Variants in SHKBP1 observed in about 807,000 individuals in gnomAD.
The protein encoded by SHKBP1 is SH3KBP1 binding protein 1.
In SHKBP1, 71 loss-of-function variants were observed where a neutral mutation model predicts 83.9. That is an observed-to-expected ratio of 0.85 (90% CI 0.70 to 1.03). The LOEUF (loss-of-function observed/expected upper bound fraction) is 1.03, where lower values mean the gene tolerates loss of function less well. SHKBP1 is among the 50% of genes least tolerant of loss of function. SHKBP1 has a pLI of 0.00. For missense variants in SHKBP1, 824 were observed against 982.4 expected (o/e 0.84, Z 2.16); for synonymous variants, 371 against 398.0 (o/e 0.93, Z 0.81).
rs2081345434 is a variant in SHKBP1 at position 40,590,146 on chromosome 19, G to A, written c.1590-98G>A. 1.5e-6 allele frequency: 2 copies of A among 1,316,390 alleles called. No homozygotes were observed. The highest frequency in any genetic ancestry group is 1.5e-5 in the African/African-American group (1 of 67,376). 81.5% of individuals were successfully genotyped at this position (1,316,390 alleles called of 1,614,324 possible). A position where few individuals can be genotyped will look rare whatever the true frequency, so the allele number is the denominator to read the frequency against. ...CTAGGGATGGATAAAGATTGGGATG[G>A]CCCCTGGAGAGGCAGGAACTGCAGC... On this transcript the variant is annotated intron_variant, in intron 15 of 17. Transcript: ENST00000291842. This position sits in a 1 kb window ranked among gnomAD's most constrained non-coding sequence, Gnocchi z 4.6.
In SHKBP1 at chr19:40,583,501, T is replaced by C. The variant is rs1445795319; in HGVS notation, c.1048+16T>C. The C allele has an allele frequency of 1.9e-6, 3 of 1,612,694 alleles. No individual in the cohort carries two copies. Among genetic ancestry groups the C allele is most frequent in the Non-Finnish European group, 2.5e-6 (3 of 1,179,392 alleles). On this transcript the variant is annotated intron_variant, in intron 11 of 17. Coordinates refer to ENST00000291842, the MANE Select transcript of SHKBP1 (RefSeq NM_138392.4). ...TACTACGTGGGTGAGCAGCAGCCTG[T>C]GTCCCGGGTGCCCGAGACCCTCCCC...
rs925988739 is a variant in SHKBP1 at position 40,577,143 on chromosome 19, G to C, written c.87-88G>C. The C allele has an allele frequency of 4.6e-6, 7 of 1,532,924 alleles. No homozygotes were observed. The African/African-American group carries it at 9.6e-5, about 21-fold the overall frequency. The allele number at this position is 1,532,924 out of a possible 1,614,324, so 95.0% of individuals were successfully genotyped here. On this transcript the variant is annotated intron_variant, in intron 1 of 17. Coordinates refer to ENST00000291842, the MANE Select transcript of SHKBP1 (RefSeq NM_138392.4). ...GGAAAAACGCCGGGGGAGGGGGAAG[G>C]GGAGGGAACCCTGGATCCTGCGGGA...
Position 40,582,397 on chromosome 19 carries a change from G to A in SHKBP1, c.891G>A (p.Gly297=). The change falls in exon 10 of 18, where the codon GGG becomes GGA. Residue 297 remains glycine (G), a synonymous_variant. Transcript: ENST00000291842. ...CTGTGGAGGCCTTGTTCTTCGTCGGGAACCAGCTCATTGCTACAAGCCACA... is the reference window on the plus strand; with the variant it reads ...CTGTGGAGGCCTTGTTCTTCGTCGGAAACCAGCTCATTGCTACAAGCCACA... ...GVPVEALFFV[G]NQLIATSHTG... is the part of the protein sequence containing the mutation. 6.2e-7 allele frequency: 1 copy of A among 1,614,108 alleles called. No homozygotes were observed. Among genetic ancestry groups the A allele is most frequent in the African/African-American group, 1.3e-5 (1 of 75,014 alleles).
intron 5 of SHKBP1, 77 bp downstream of exon 5, chr19:40,578,289 T>G (rs1190120091): frequency 6.6e-7 from 1 of 1,523,622 alleles, no homozygotes; most frequent in Non-Finnish European, 9.1e-7. Context: ...CTCTTCCCCT[T>G]CTCTCCTGAA....
chr19:40,580,902 G>A lies in SHKBP1; in HGVS notation c.810G>A (p.Trp270Ter). Residue 270 changes from tryptophan to a stop codon, truncating the protein, a stop_gained, in exon 9 of 18, where the codon TGG (tryptophan) becomes TGA (stop). Coordinates refer to ENST00000291842, the MANE Select transcript of SHKBP1 (RefSeq NM_138392.4). LOFTEE classifies it high-confidence loss of function. Reference sequence around the variant, plus strand: ...CCACCGGCAGCGAGATCCTGCTATGGGCTCTGCAGGCGGAAGGCGGTGGCT... The same window carrying A: ...CCACCGGCAGCGAGATCCTGCTATGAGCTCTGCAGGCGGAAGGCGGTGGCT... Reference protein sequence around the residue: ...AAATGSEILLWALQAEGGGSE... With the variant: ...AAATGSEILL 1.3e-6 allele frequency: 2 copies of A among 1,596,712 alleles called. No homozygotes were observed. The highest frequency in any genetic ancestry group is 1.7e-6 in the Non-Finnish European group (2 of 1,170,650).
intron 9 of SHKBP1, among the ~76,000 whole-genome samples, chr19:40,581,989 C>T (rs556987103): frequency 2.0e-5 from 3 of 150,712 alleles, no homozygotes; most frequent in African/African-American, 4.9e-5. Context: ...GGTATGATCT[C>T]GGCTCACTGC....
At chr19:40,588,818 C>T in intron 14 of SHKBP1, 39 bp downstream of exon 14, 4 of 1,604,686 alleles carry the variant, frequency 2.5e-6, no homozygotes, top group South Asian at 1.1e-5. Context: ...CCACTGACCC[C>T]CTTACCTGAC....
At position 40,580,943 on chromosome 19, in the gene SHKBP1, C is replaced by A; in HGVS notation, c.844+7C>A. 6 of 1,526,644 alleles carry A rather than the reference C, an allele frequency of 3.9e-6. No individual in the cohort carries two copies. The highest frequency in any genetic ancestry group is 3.5e-6 in the Non-Finnish European group (4 of 1,137,636). The allele number at this position is 1,526,644 out of a possible 1,614,324, so 94.6% of individuals were successfully genotyped here. Reference sequence around the variant, plus strand: ...GGCGGTGGCTCCGAGATAGGTATGACCCCAAGCCTTTTCCAGAACCCTCTG... The same window carrying A: ...GGCGGTGGCTCCGAGATAGGTATGAACCCAAGCCTTTTCCAGAACCCTCTG... On this transcript the variant is annotated splice_region_variant and intron_variant, in intron 9 of 17. Transcript: ENST00000291842.
intron 13 of SHKBP1, among the ~76,000 whole-genome samples, chr19:40,587,484 G>A (rs1299127771): frequency 3.9e-5 from 6 of 152,162 alleles, no homozygotes; most frequent in African/African-American, 9.7e-5. Context: ...CCCGCTACTC[G>A]GGAGGCCGAG....
chr19:40,590,644 C>T lies in SHKBP1; in HGVS notation c.1769-86C>T, dbSNP rs139215417. Reference sequence around the variant, plus strand: ...CTCTGCTTCCTCTCTCCTGTCCTGACCCTCGGTGCTTGCACTGCAATGCAA... The same window carrying T: ...CTCTGCTTCCTCTCTCCTGTCCTGATCCTCGGTGCTTGCACTGCAATGCAA... On this transcript the variant is annotated intron_variant, in intron 16 of 17. Transcript: ENST00000291842. This position sits in a 1 kb window ranked among gnomAD's most constrained non-coding sequence, Gnocchi z 4.6. 1,525 of 1,478,142 alleles carry T rather than the reference C, an allele frequency of 1.0e-3. 12 individuals carry two copies. In the South Asian group the frequency reaches 0.011, roughly 11 times the overall value. The allele number at this position is 1,478,142 out of a possible 1,614,324, so 91.6% of individuals were successfully genotyped here. A position where few individuals can be genotyped will look rare whatever the true frequency, so the allele number is the denominator to read the frequency against.
At chr19:40,580,286 T>C (rs1385914306) in intron 6 of SHKBP1, 38 bp from the exon 7 acceptor site, 4 of 1,584,570 alleles carry the variant, frequency 2.5e-6, no homozygotes, top group Non-Finnish European at 3.5e-6. Flanking sequence ...CAGCCACGAT[T>C]ACAATGACTG....
chr19:40,578,483 A>G lies in SHKBP1; in HGVS notation c.341A>G (p.Glu114Gly). Residue 114 changes from glutamate to glycine, a missense_variant, in exon 6 of 18, where the codon GAG becomes GGG. This residue lies in a region of SHKBP1 where 355 missense variants were observed against 386.4 expected (regional missense o/e 0.92). Transcript: ENST00000291842. ...TPLVRRLQLR[E>G]ELDRSSCGNV... ...GCAGTTCGTCGCCTGCAGCTTCGAGAGGAGTTGGATCGATCTTCTTGTGGA... is the reference window on the plus strand; with the variant it reads ...GCAGTTCGTCGCCTGCAGCTTCGAGGGGAGTTGGATCGATCTTCTTGTGGA... 1 of 1,614,028 alleles carries G rather than the reference A, an allele frequency of 6.2e-7. No individual in the cohort carries two copies. Among genetic ancestry groups the G allele is most frequent in the Non-Finnish European group, 8.5e-7 (1 of 1,180,014 alleles).
chr19:40,590,965 T>C lies in SHKBP1; in HGVS notation c.1893-11T>C, dbSNP rs1236904833. 1.3e-6 allele frequency: 2 copies of C among 1,597,266 alleles called. No homozygotes were observed. The highest frequency in any genetic ancestry group is 1.7e-6 in the Non-Finnish European group (2 of 1,167,132). On this transcript the variant is annotated splice_polypyrimidine_tract_variant and intron_variant, in intron 17 of 17. Transcript: ENST00000291842. This position sits in a 1 kb window ranked among gnomAD's most constrained non-coding sequence, Gnocchi z 4.6. The stretch of plus-strand genomic sequence containing the variant: ...CGTGATGACGTGCACTTACTGTCCT[T>C]ACTTCCTCAGCCTCCACTCAGCCTC...
At chr19:40,578,606 C>G in intron 6 of SHKBP1, 64 bp downstream of exon 6, 1 of 1,468,260 alleles carries the variant, frequency 6.8e-7, no homozygotes, top group Non-Finnish European at 9.5e-7. Context: ...TCCCATAAGG[C>G]TGCAGCTCTC....
Position 40,591,356 on chromosome 19 carries a change from G to C in SHKBP1, c.*149G>C. ...TAGGTCCCCACCTTCCCTCTTTTCTGGAAGCCAAAGTCACCCTCCCCAATA... is the reference window on the plus strand; with the variant it reads ...TAGGTCCCCACCTTCCCTCTTTTCTCGAAGCCAAAGTCACCCTCCCCAATA... On this transcript the variant is annotated 3_prime_UTR_variant, in exon 18 of 18. Transcript: ENST00000291842. The C allele has an allele frequency of 3.1e-6, 2 of 651,364 alleles. No homozygotes were observed. The highest frequency in any genetic ancestry group is 5.9e-5 in the South Asian group (2 of 33,966). 40.3% of individuals were successfully genotyped at this position (651,364 alleles called of 1,614,324 possible).
chr19:40,580,985 G>C (rs958749952), intron 9 of SHKBP1, 49 bp downstream of exon 9: 2 of 1,478,828 alleles, frequency 1.4e-6, no homozygotes, highest in Non-Finnish European at 1.8e-6. Flanking sequence ...AAATTCTACT[G>C]CCTGTTAAAA....
In SHKBP1 at chr19:40,586,816, C is replaced by T. The variant is rs1568392949; in HGVS notation, c.1208C>T (p.Ser403Leu). 6.2e-7 allele frequency: 1 copy of T among 1,609,564 alleles called. No individual in the cohort carries two copies. The highest frequency in any genetic ancestry group is 2.2e-5 in the East Asian group (1 of 44,588). ...ATCGAGATCGCCTATGGCACCAGCT[C>T]AGGGGGCGTGCGGGTCATCGTGCAG... Reference protein sequence around the residue: ...NWIEIAYGTSSGGVRVIVQHP... With the variant: ...NWIEIAYGTSLGGVRVIVQHP... Residue 403 changes from serine to leucine, a missense_variant, in exon 13 of 18, where the codon TCA becomes TTA. By Grantham distance (145) the Ser-to-Leu change is moderately radical. Transcript: ENST00000291842.
In SHKBP1 at chr19:40,582,353, G is replaced by C. The variant is rs760358668; in HGVS notation, c.847G>C (p.Val283Leu). 3.1e-6 allele frequency: 5 copies of C among 1,613,952 alleles called. No individual in the cohort carries two copies. The South Asian group carries it at 5.5e-5, about 18-fold the overall frequency. The change falls in exon 10 of 18, where the codon GTC becomes CTC. Residue 283 changes from valine (V) to leucine (L), a missense_variant and splice_region_variant. Physicochemically the swap from Val to Leu is conservative, Grantham distance 32. Coordinates refer to ENST00000291842, the MANE Select transcript of SHKBP1 (RefSeq NM_138392.4). ...QAEGGGSEIG[V>L]FHLGVPVEAL... ...TGAGCCCTTTTTGCCCACTGCAGGGGTCTTTCATCTGGGGGTGCCTGTGGA... is the reference window on the plus strand; with the variant it reads ...TGAGCCCTTTTTGCCCACTGCAGGGCTCTTTCATCTGGGGGTGCCTGTGGA...
At chr19:40,578,633 C>A (rs1469691409) in intron 6 of SHKBP1, 91 bp downstream of exon 6, 2 of 1,150,796 alleles carry the variant, frequency 1.7e-6, no homozygotes, top group Non-Finnish European at 2.6e-6. Flanking sequence ...CTGTGCTGTG[C>A]GTCCTGAGAT....
Sources: gnomAD v4.1 joint callset for allele counts (sites outside exome capture counted in the v4.1 genomes callset) on GRCh38, gnomAD v4.1.1 for gene constraint, gnomAD v4.1.1 regional missense constraint, Gnocchi (gnomAD v3.1) non-coding constraint, MANE v1.5 for transcripts, NCBI Gene and HGNC (gene_info 2026-07-23, HGNC 2026-07-21) for gene names.